The following ADAMTS14 variants were observed in gnomAD, a reference collection of about 807,000 sequenced individuals.
ADAMTS14 encodes the protein ADAM metallopeptidase with thrombospondin type 1 motif 14, also known as A disintegrin and metalloproteinase with thrombospondin motifs 14.
A neutral mutation model predicts 128.6 loss-of-function variants in ADAMTS14; 100 were observed. That is an observed-to-expected ratio of 0.78 (90% confidence interval 0.66 to 0.92). ADAMTS14 has a LOEUF of 0.92. Ranked by LOEUF, ADAMTS14 falls within the 40% of genes least tolerant of loss-of-function variation. The pLI is 0.00. For synonymous variants in ADAMTS14, 665 were observed against 653.8 expected (o/e 1.02, Z -0.26); for missense variants, 1,562 against 1,658.6 (o/e 0.94, Z 1.01).
chr10:70,687,162 C>T (rs1215134791), intron 2 of ADAMTS14, among the ~76,000 whole-genome samples: 34 of 104,928 alleles, frequency 3.2e-4, no homozygotes, highest in Admixed American at 7.8e-4. Flanking sequence ...ACCTCCCGGA[C>T]GGGGCCACTG....
chr10:70,728,037 A>G (rs1841500165), intron 4 of ADAMTS14, among the ~76,000 whole-genome samples: 1 of 150,906 alleles, frequency 6.6e-6, no homozygotes, highest in African/African-American at 2.5e-5. Context: ...TGGAGTTTGC[A>G]GTGAGCCGAG....
At position 70,734,180 on chromosome 10, in the gene ADAMTS14, A is replaced by AT. The variant is rs1841747656; in HGVS notation, c.1352+153dup. 1.0e-5 allele frequency: 10 copies of AT among 975,432 alleles called. No individual in the cohort carries two copies. The East Asian group carries it at 2.7e-4, about 26-fold the overall frequency. The allele number at this position is 975,432 out of a possible 1,614,324, so 60.4% of individuals were successfully genotyped here. A position where few individuals can be genotyped will look rare whatever the true frequency, so the allele number is the denominator to read the frequency against. Reference sequence around the variant, plus strand: ...CTCCCCGCCAAACCTGGCCTAAAACATACCCCATTAGCATAGCAGGTGGGT... The same window carrying AT: ...CTCCCCGCCAAACCTGGCCTAAAACATTACCCCATTAGCATAGCAGGTGGGT... On this transcript the variant is annotated intron_variant, in intron 8 of 21. Coordinates refer to ENST00000373207, the MANE Select transcript of ADAMTS14 (RefSeq NM_080722.4).
intron 8 of ADAMTS14, 74 bp from the exon 9 acceptor site, chr10:70,735,095 C>A: frequency 6.4e-7 from 1 of 1,550,654 alleles, no homozygotes; most frequent in South Asian, 1.2e-5. Context: ...TCATGAAAAC[C>A]CCAGCCCCTG....
rs1564554100 is a variant in ADAMTS14 at position 70,745,310 on chromosome 10, A to G, written c.2263+4A>G. 6.2e-7 allele frequency: 1 copy of G among 1,612,408 alleles called. No individual in the cohort carries two copies. On this transcript the variant is annotated splice_donor_region_variant and intron_variant, in intron 15 of 21. Transcript: ENST00000373207. ...GAGAAGTCCCCCCACCGCATTGGTGAGTGCTGGGGTGCTGGGAGGGGACAG... is the reference window on the plus strand; with the variant it reads ...GAGAAGTCCCCCCACCGCATTGGTGGGTGCTGGGGTGCTGGGAGGGGACAG...
chr10:70,757,916 A>G, intron 19 of ADAMTS14, 46 bp from the exon 20 acceptor site: 1 of 1,550,408 alleles, frequency 6.4e-7, no homozygotes, highest in African/African-American at 1.4e-5. Context: ...CTCTCCACCT[A>G]CCCTGACCCC....
intron 15 of ADAMTS14, among the ~76,000 whole-genome samples, chr10:70,745,802 C>A (rs12268060): frequency 1.0e-3 from 155 of 152,258 alleles, no homozygotes; most frequent in African/African-American, 3.5e-3. Context: ...CAGATGCCCT[C>A]AGCTGGTAGG....
In ADAMTS14 at chr10:70,758,063, C is replaced by T; in HGVS notation, c.3039C>T (p.Val1013=). The change falls in exon 20 of 22, where the codon GTC becomes GTT. Residue 1013 remains valine (V), a synonymous_variant. Transcript: ENST00000373207. ...GCGAGGGGGATAGGCCAGACACTGT[C>T]CAGGTCTGCAGCCTGCCCGCCTGTG... is the stretch of plus-strand genomic sequence containing the variant. ...GHCEGDRPDT[V]QVCSLPACGG... The T allele has an allele frequency of 6.2e-7, 1 of 1,613,468 alleles. No homozygotes were observed. Among genetic ancestry groups the T allele is most frequent in the African/African-American group, 1.3e-5 (1 of 75,060 alleles).
At chr10:70,706,153 G>GC (rs542596011) in intron 3 of ADAMTS14, among the ~76,000 whole-genome samples, 29 of 152,074 alleles carry the variant, frequency 1.9e-4, no homozygotes, top group African/African-American at 5.6e-4. Context: ...TGTGGCTGGA[G>GC]CCCCCCCACA....
chr10:70,748,633 G>C (rs1470982342), intron 15 of ADAMTS14, among the ~76,000 whole-genome samples: 1 of 152,364 alleles, frequency 6.6e-6, no homozygotes, highest in South Asian at 2.1e-4. Context: ...GTGTCTAGGA[G>C]TCTCCAATTC....
chr10:70,675,145 C>T (rs1839608351), intron 2 of ADAMTS14, 150 bp downstream of exon 2: 4 of 947,410 alleles, frequency 4.2e-6, no homozygotes, highest in Non-Finnish European at 6.2e-6. Flanking sequence ...CCCCGCGGGC[C>T]ACTAGGTTCA....
chr10:70,740,922 G>A, intron 11 of ADAMTS14, 65 bp from the exon 12 acceptor site: 5 of 1,550,074 alleles, frequency 3.2e-6, no homozygotes, highest in Non-Finnish European at 4.4e-6. Flanking sequence ...TGGCTGTGTG[G>A]GAAACCTGGC....
intron 19 of ADAMTS14, among the ~76,000 whole-genome samples, chr10:70,756,382 A>G (rs2791188): frequency 0.18 from 27,986 of 152,196 alleles, 2,685 homozygotes; most frequent in South Asian, 0.35. Flanking sequence ...TTTTGATATA[A>G]AACAGATTGC....
intron 2 of ADAMTS14, among the ~76,000 whole-genome samples, chr10:70,689,532 G>T (rs542950420): frequency 6.9e-6 from 1 of 145,444 alleles, no homozygotes; most frequent in African/African-American, 2.4e-5. Flanking sequence ...CTCTGGTACA[G>T]AACGGGTCCT....
chr10:70,695,618 T>G (rs1215607517), intron 2 of ADAMTS14, among the ~76,000 whole-genome samples: 1 of 152,132 alleles, frequency 6.6e-6, no homozygotes, highest in East Asian at 1.9e-4. Flanking sequence ...CCTCCTTGAT[T>G]TTGGGGTAGA....
Position 70,744,005 on chromosome 10 carries a change from G to A in ADAMTS14, c.2059-61G>A. 3.3e-6 allele frequency: 5 copies of A among 1,533,468 alleles called. No homozygotes were observed. In the African/African-American group the frequency reaches 4.1e-5, roughly 13 times the overall value. 95.0% of individuals were successfully genotyped at this position (1,533,468 alleles called of 1,614,324 possible). On this transcript the variant is annotated intron_variant, in intron 13 of 21. Coordinates refer to ENST00000373207, the MANE Select transcript of ADAMTS14 (RefSeq NM_080722.4). Reference sequence around the variant, plus strand: ...CCAGGGCCTGGGGATGGGAATGGGAGCCCCGGGGTGGCGGTGGGGGCAGGG... The same window carrying A: ...CCAGGGCCTGGGGATGGGAATGGGAACCCCGGGGTGGCGGTGGGGGCAGGG...
At chr10:70,733,756 T>A (rs1416232601) in intron 7 of ADAMTS14, 129 bp from the exon 8 acceptor site, 1 of 1,232,460 alleles carries the variant, frequency 8.1e-7, no homozygotes, top group East Asian at 2.6e-5. Flanking sequence ...GTTGGAAAAC[T>A]GAGGCCAGGA....
rs149761781 is a variant in ADAMTS14 at position 70,703,213 on chromosome 10, G to A, written c.679+745G>A. Among the ~76,000 whole-genome samples, 282 of 152,328 alleles carry A rather than the reference G, an allele frequency of 1.9e-3. 1 individual carries two copies. The highest frequency in any genetic ancestry group is 6.8e-3 in the Middle Eastern group (2 of 294). ...GACCAGTGCAGGAGGCTACACACCAGAGGCACTCAAGACTTATGGTTGGGC... is the reference window on the plus strand; with the variant it reads ...GACCAGTGCAGGAGGCTACACACCAAAGGCACTCAAGACTTATGGTTGGGC... On this transcript the variant is annotated intron_variant, in intron 3 of 21. Transcript: ENST00000373207.
chr10:70,717,584 T>A (rs1331351860), intron 4 of ADAMTS14, among the ~76,000 whole-genome samples: 1 of 151,676 alleles, frequency 6.6e-6, no homozygotes. Flanking sequence ...GTTCCCAGGG[T>A]CCTCTCCTGG....
rs1394898785 is a variant in ADAMTS14, at chr10:70,749,807, C to A, written c.2264-15C>A. ...GGAGCAGAAATCTGTGTGACCCTCT[C>A]CCCCCACCGGTCAGTGGTGAAGAAC... is the stretch of plus-strand genomic sequence containing the variant. On this transcript the variant is annotated splice_polypyrimidine_tract_variant and intron_variant, in intron 15 of 21. Transcript: ENST00000373207. The A allele has an allele frequency of 6.2e-7, 1 of 1,612,478 alleles. No individual in the cohort carries two copies. The highest frequency in any genetic ancestry group is 1.7e-5 in the Admixed American group (1 of 59,950).
Sources: allele counts gnomAD v4.1 joint callset (sites outside exome capture counted in the v4.1 genomes callset), GRCh38; gene constraint gnomAD v4.1.1; transcripts MANE v1.5; gene names NCBI Gene and HGNC (gene_info 2026-07-23, HGNC 2026-07-21).